LRRC56: variants seen among roughly 807,000 people sequenced by gnomAD.
The protein encoded by LRRC56 is leucine rich repeat containing 56, also known as leucine-rich repeat-containing protein 56.
A neutral mutation model predicts 47.8 loss-of-function variants in LRRC56; 41 were observed. The observed-to-expected ratio is 0.86, with a 90% CI of 0.67 to 1.11. The LOEUF is 1.11. Among genes scored for constraint, LRRC56 ranks in the 50% most tolerant of loss-of-function variants. LRRC56 has a pLI of 0.00. For synonymous variants in LRRC56, 387 were observed against 311.2 expected, an observed-to-expected ratio of 1.24 and a Z score of -2.56; for missense variants, 759 against 704.2, an observed-to-expected ratio of 1.08 and a Z score of -0.88.
Position 551,904 on chromosome 11 carries a change from T to C in LRRC56, c.975T>C (p.Gly325=), listed in dbSNP as rs1418217927. The change falls in exon 11 of 14, where the codon GGT becomes GGC. Residue 325 remains glycine, a splice_region_variant and synonymous_variant. Coordinates refer to ENST00000270115, the MANE Select transcript of LRRC56 (RefSeq NM_198075.4). ...PEDNTSSLTH[G]AGQVLCGNPT... The stretch of plus-strand genomic sequence containing the variant: ...GCCCAGCCATGCTGTCTCTTGCAGG[T>C]GCTGGCCAAGTCCTCTGTGGGAACC... 1 of 1,612,514 alleles carries C rather than the reference T, an allele frequency of 6.2e-7. No homozygotes were observed. Among genetic ancestry groups the C allele is most frequent in the Admixed American group, 1.7e-5 (1 of 59,976 alleles).
chr11:515,872 A>T, the LRRC56 span, among the ~76,000 whole-genome samples: 1 of 152,162 alleles, frequency 6.6e-6, no homozygotes. Flanking sequence ...ATGGATTTAT[A>T]TATGTACTGT....
chr11:544,885 G>A (rs983281449), intron 6 of LRRC56, 105 bp downstream of exon 6: 1 of 1,159,202 alleles, frequency 8.6e-7, no homozygotes, highest in African/African-American at 1.5e-5. Flanking sequence ...GGGGACTTGG[G>A]CTGGGACCAG....
upstream of LRRC56, chr11:533,132 A>G (rs1851208725): frequency 2.3e-5 from 17 of 748,226 alleles, 1 homozygote; most frequent in South Asian, 3.2e-4. Flanking sequence ...GCCGGGCCCC[A>G]GGGTCACCGC....
At chr11:518,610 AC>A in the LRRC56 span, among the ~76,000 whole-genome samples, 1 of 152,024 alleles carries the variant, frequency 6.6e-6, no homozygotes, top group Non-Finnish European at 1.5e-5. Context: ...GACGTGAGTC[AC>A]CCTGCCCGGC....
intron 13 of LRRC56, among the ~76,000 whole-genome samples, chr11:552,947 G>A (rs1400730910): frequency 2.0e-5 from 3 of 152,196 alleles, no homozygotes; most frequent in Non-Finnish European, 4.4e-5. Flanking sequence ...ACCCGGGCTG[G>A]ACGAAAGAGA....
rs1851802933 is a variant in LRRC56 at position 541,688 on chromosome 11, GT to G, written c.265+67del. On this transcript the variant is annotated intron_variant, in intron 5 of 13. Transcript: ENST00000270115. This position sits in a 1 kb window ranked among gnomAD's most constrained non-coding sequence, Gnocchi z 4.1. The stretch of plus-strand genomic sequence containing the variant: ...CCACGCCTCCCTGTAAACAACACAC[GT>G]TTCCTGGTTATGACGACAAAGCTGT... 1 of 1,037,092 alleles carries G rather than the reference GT, an allele frequency of 9.6e-7. No homozygotes were observed. Among genetic ancestry groups the G allele is most frequent in the Non-Finnish European group, 1.4e-6 (1 of 710,670 alleles). The allele number at this position is 1,037,092 out of a possible 1,614,324, so 64.2% of individuals were successfully genotyped here. A position where few individuals can be genotyped will look rare whatever the true frequency, so the allele number is the denominator to read the frequency against.
chr11:543,888 A>G (rs1191547432), intron 5 of LRRC56, among the ~76,000 whole-genome samples: 1 of 152,184 alleles, frequency 6.6e-6, no homozygotes, highest in African/African-American at 2.4e-5. Context: ...AGCTGGGACT[A>G]CAGGCGCCCG....
Position 539,076 on chromosome 11 carries a change from CTTTG to C in LRRC56, c.-159+232_-159+235del, listed in dbSNP as rs577327198. ...CTGGGGCCGAGGCAGATGTCTGCAT[CTTTG>C]TTTGTTTGTTTGTTTTTTGAGATGG... On this transcript the variant is annotated intron_variant, in intron 2 of 13. Coordinates refer to ENST00000270115, the MANE Select transcript of LRRC56 (RefSeq NM_198075.4). Among the ~76,000 whole-genome samples, 5 of 151,922 alleles carry C rather than the reference CTTTG, an allele frequency of 3.3e-5. No individual in the cohort carries two copies. The South Asian group carries it at 6.2e-4, about 19-fold the overall frequency.
chr11:553,702 A>C (rs1483067153), intron 13 of LRRC56, among the ~76,000 whole-genome samples: 1 of 152,170 alleles, frequency 6.6e-6, no homozygotes, highest in Non-Finnish European at 1.5e-5. Context: ...TCTCCTTCTC[A>C]GGGACAGGAC....
Position 554,838 on chromosome 11 carries a change from C to T in LRRC56, c.*562C>T. The stretch of plus-strand genomic sequence containing the variant: ...CAGGACGCCCCGGAACCCAAACCAA[C>T]ATTTCCAGCTCTCAGGTGTACAGAA... On this transcript the variant is annotated 3_prime_UTR_variant, in exon 14 of 14. Coordinates refer to ENST00000270115, the MANE Select transcript of LRRC56 (RefSeq NM_198075.4). 1.6e-6 allele frequency: 1 copy of T among 629,432 alleles called. No homozygotes were observed. The highest frequency in any genetic ancestry group is 3.5e-5 in the East Asian group (1 of 28,980). The allele number at this position is 629,432 out of a possible 1,614,324, so 39.0% of individuals were successfully genotyped here. A position where few individuals can be genotyped will look rare whatever the true frequency, so the allele number is the denominator to read the frequency against.
the LRRC56 span, among the ~76,000 whole-genome samples, chr11:514,108 T>G: frequency 1.3e-5 from 2 of 151,740 alleles, no homozygotes; most frequent in East Asian, 3.9e-4. Flanking sequence ...TCTCTTACCT[T>G]AGCCTCCGGA....
the LRRC56 span, among the ~76,000 whole-genome samples, chr11:519,309 G>C: frequency 0.26 from 21,283 of 81,718 alleles, 1,457 homozygotes; most frequent in Admixed American, 0.34. Flanking sequence ...TAGAACGCGG[G>C]CTGATACACA....
chr11:512,084 C>T, the LRRC56 span, among the ~76,000 whole-genome samples: 1 of 151,914 alleles, frequency 6.6e-6, no homozygotes, highest in African/African-American at 2.4e-5. Flanking sequence ...GCTGGGACTA[C>T]AGGTGCGTGC....
chr11:548,278 T>C (rs190646157), intron 6 of LRRC56, among the ~76,000 whole-genome samples: 75 of 152,312 alleles, frequency 4.9e-4, no homozygotes, highest in African/African-American at 1.7e-3. Flanking sequence ...AGAAAAGAGA[T>C]TGACTTGTCT....
upstream of LRRC56, chr11:536,851 ACCCGGGGCTCCACCCACGTGCGGT>A (rs1247152219): frequency 1.3e-5 from 2 of 151,908 alleles, no homozygotes; most frequent in Non-Finnish European, 2.9e-5. Flanking sequence ...GTCGCTGCTG[ACCCGGGGCTCCACCCACGTGCGGT>A]CCCGGGGGTC....
chr11:546,545 G>A (rs1294488737), intron 6 of LRRC56, among the ~76,000 whole-genome samples: 4 of 151,204 alleles, frequency 2.6e-5, no homozygotes, highest in African/African-American at 9.8e-5. Context: ...TCCAGCCTGG[G>A]CGACTGAGTG....
chr11:507,336 C>T, the LRRC56 span: 1 of 111,728 alleles, frequency 9.0e-6, no homozygotes, highest in South Asian at 2.9e-4. Flanking sequence ...GTCTCGGGGT[C>T]GGGGCGGGGC....
the LRRC56 span, among the ~76,000 whole-genome samples, chr11:531,634 G>A: frequency 1.3e-5 from 2 of 152,192 alleles, no homozygotes; most frequent in Admixed American, 6.5e-5. Context: ...AGGAGCAGAC[G>A]GACCAGCTGC....
the LRRC56 span, among the ~76,000 whole-genome samples, chr11:525,207 C>A: frequency 6.6e-6 from 1 of 151,250 alleles, no homozygotes; most frequent in Non-Finnish European, 1.5e-5. Flanking sequence ...AGTTTGAGAC[C>A]AGCCTGGCCA....
Sources: gnomAD v4.1 joint callset for allele counts (sites outside exome capture counted in the v4.1 genomes callset) on GRCh38, gnomAD v4.1.1 for gene constraint, Gnocchi (gnomAD v3.1) non-coding constraint, MANE v1.5 for transcripts, NCBI Gene and HGNC (gene_info 2026-07-23, HGNC 2026-07-21) for gene names.